CALN1: variants seen among roughly 807,000 people sequenced by gnomAD.
CALN1 encodes calcium-binding protein 8.
In CALN1, 17 loss-of-function variants were observed where a neutral mutation model predicts 30.6. The ratio of observed to expected loss-of-function variants is 0.56; its 90% CI spans 0.38 to 0.83. CALN1 has a LOEUF of 0.83. Ranked by LOEUF, CALN1 falls within the 40% of genes least tolerant of loss-of-function variation. CALN1 has a pLI of 0.00. For missense variants in CALN1, 291 were observed against 354.9 expected (o/e 0.82, Z 1.45); for synonymous variants, 156 against 131.4 (o/e 1.19, Z -1.28).
At chr7:71,938,353 AATCAACAAATGAATAAAGTGAAG>A (rs1229132767) in intron 5 of CALN1, among the ~76,000 whole-genome samples, 1 of 152,220 alleles carries the variant, frequency 6.6e-6, no homozygotes, top group Admixed American at 6.5e-5. Context: ...TGGGTAAATA[AATCAACAAATGAATAAAGTGAAG>A]TCAGTAGGAA....
rs753619741 is a variant in CALN1, at chr7:72,395,511, G to A, written c.119+7740C>T. Among the ~76,000 whole-genome samples, 3 of 152,298 alleles carry A rather than the reference G, an allele frequency of 2.0e-5. No homozygotes were observed. In the East Asian group the frequency reaches 5.8e-4, roughly 29 times the overall value. ...CTCCAAGAGGCAGATACAGTATGGA[G>A]TATCATCCGAATTTTACTGACCATG... On this transcript the variant is annotated intron_variant, in intron 2 of 6. Coordinates refer to ENST00000395275, the MANE Select transcript of CALN1 (RefSeq NM_031468.4).
chr7:71,961,587 A>T (rs1797250215), intron 5 of CALN1, among the ~76,000 whole-genome samples: 1 of 152,210 alleles, frequency 6.6e-6, no homozygotes, highest in African/African-American at 2.4e-5. Flanking sequence ...TATTAAAACA[A>T]ACAAAAAGGA....
intron 5 of CALN1, among the ~76,000 whole-genome samples, chr7:71,832,464 G>A (rs1789346097): frequency 6.6e-6 from 1 of 152,180 alleles, no homozygotes; most frequent in Non-Finnish European, 1.5e-5. Flanking sequence ...GATTCTGTAT[G>A]CAGGGACTGT....
intron 3 of CALN1, among the ~76,000 whole-genome samples, chr7:72,182,525 AC>A (rs1294523016): frequency 6.6e-6 from 1 of 152,108 alleles, no homozygotes; most frequent in East Asian, 1.9e-4. Context: ...TTCGAGACCA[AC>A]CTGGGCAACA....
At chr7:71,857,016 ATGTG>A (rs200594767) in intron 5 of CALN1, among the ~76,000 whole-genome samples, 7,382 of 142,212 alleles carry the variant, frequency 0.052, 245 homozygotes, top group East Asian at 0.11. Flanking sequence ...GTGTATATGT[ATGTG>A]TGTGTGTGTG....
rs1790923384 is a variant in CALN1 at position 71,855,973 on chromosome 7, T to TTA, written c.502-45483_502-45482dup. On this transcript the variant is annotated intron_variant, in intron 5 of 6. Transcript: ENST00000395275. ...GATATTATGTCTGTGTGCGTGCACA[T>TTA]TATATACACACACATACATATACAT... Among the ~76,000 whole-genome samples, 3 of 152,272 alleles carry TTA rather than the reference T, an allele frequency of 2.0e-5. No homozygotes were observed. In the South Asian group the frequency reaches 6.2e-4, roughly 32 times the overall value.
At chr7:72,096,945 G>A (rs1806276568) in intron 4 of CALN1, among the ~76,000 whole-genome samples, 1 of 152,180 alleles carries the variant, frequency 6.6e-6, no homozygotes, top group South Asian at 2.1e-4. Context: ...TTAAGAACAT[G>A]TGGCACACAT....
intron 5 of CALN1, among the ~76,000 whole-genome samples, chr7:71,844,160 T>TG (rs1321138139): frequency 6.6e-6 from 1 of 152,184 alleles, no homozygotes; most frequent in Non-Finnish European, 1.5e-5. Context: ...TGTCATAGGG[T>TG]GGCAAAGCTA....
At chr7:72,273,743 T>A (rs1797160586) in intron 3 of CALN1, among the ~76,000 whole-genome samples, 2 of 151,834 alleles carry the variant, frequency 1.3e-5, no homozygotes, top group Admixed American at 1.3e-4. Flanking sequence ...ACTCCTAGGC[T>A]CAAGTGATCT....
intron 2 of CALN1, among the ~76,000 whole-genome samples, chr7:72,402,607 T>C (rs778963354): frequency 6.6e-6 from 1 of 152,180 alleles, no homozygotes; most frequent in Non-Finnish European, 1.5e-5. Flanking sequence ...TGAGTTTGTA[T>C]AGCCATGAGG....
At chr7:72,057,972 G>A (rs113612918) in intron 4 of CALN1, among the ~76,000 whole-genome samples, 29 of 152,334 alleles carry the variant, frequency 1.9e-4, no homozygotes, top group African/African-American at 6.0e-4. Context: ...TGTGGAACAC[G>A]TAGCACAGTT....
At chr7:72,373,001 T>C (rs1364759956) in intron 2 of CALN1, among the ~76,000 whole-genome samples, 1 of 152,076 alleles carries the variant, frequency 6.6e-6, no homozygotes, top group African/African-American at 2.4e-5. Flanking sequence ...CAAAAAGCAA[T>C]GGAGAACACT....
chr7:71,898,245 G>A (rs71551234), intron 5 of CALN1, among the ~76,000 whole-genome samples: 13,023 of 152,064 alleles, frequency 0.086, 942 homozygotes, highest in East Asian at 0.42. Context: ...CAGTAGAATC[G>A]CTTGAACCCA....
At chr7:72,290,927 T>G (rs1798436566) in intron 2 of CALN1, among the ~76,000 whole-genome samples, 1 of 22,634 alleles carries the variant, frequency 4.4e-5, no homozygotes. Flanking sequence ...CTTTTAACCA[T>G]TTTTTTTTTT....
intron 2 of CALN1, among the ~76,000 whole-genome samples, chr7:72,393,723 TAGCTTATTGACCATAG>T (rs967535288): frequency 2.6e-5 from 4 of 151,358 alleles, no homozygotes; most frequent in African/African-American, 7.3e-5. Flanking sequence ...GTCGGCCATT[TAGCTTATTGACCATAG>T]AGCTTTTTTT....
chr7:72,141,221 C>T (rs1008996108), intron 3 of CALN1, among the ~76,000 whole-genome samples: 1 of 151,978 alleles, frequency 6.6e-6, no homozygotes, highest in African/African-American at 2.4e-5. Flanking sequence ...TCACTTGAGC[C>T]CAGGAGGTTG....
chr7:72,374,546 A>C (rs867060037), intron 2 of CALN1, among the ~76,000 whole-genome samples: 9 of 131,774 alleles, frequency 6.8e-5, no homozygotes, highest in African/African-American at 2.3e-4. Context: ...AAAAAAAAAA[A>C]AGGAAAAAAA....
intron 5 of CALN1, among the ~76,000 whole-genome samples, chr7:71,840,847 T>C (rs1415129888): frequency 1.3e-5 from 2 of 152,142 alleles, no homozygotes; most frequent in Non-Finnish European, 2.9e-5. Context: ...TAATATATGA[T>C]AGCATTTTGG....
intron 3 of CALN1, among the ~76,000 whole-genome samples, chr7:72,120,851 ACATG>A (rs1322652058): frequency 6.6e-6 from 1 of 152,054 alleles, no homozygotes; most frequent in Non-Finnish European, 1.5e-5. Flanking sequence ...AGTGAACCCC[ACATG>A]CAGCACAGGG....
Sources: gnomAD v4.1 joint callset for allele counts (sites outside exome capture counted in the v4.1 genomes callset) on GRCh38, gnomAD v4.1.1 for gene constraint, MANE v1.5 for transcripts, NCBI Gene and HGNC (gene_info 2026-07-23, HGNC 2026-07-21) for gene names.